The following PARN variants were observed in gnomAD, a reference collection of about 807,000 sequenced individuals.
The protein encoded by PARN is poly(A)-specific ribonuclease PARN.
Under a neutral mutation model 102.8 loss-of-function variants are expected in PARN, and 71 were observed. That is an observed-to-expected ratio of 0.69 (90% confidence interval 0.57 to 0.84). The LOEUF (loss-of-function observed/expected upper bound fraction) is 0.84. Among genes scored for constraint, PARN ranks in the 40% least tolerant of loss-of-function variants. The pLI is 0.00. For missense variants in PARN, 782 were observed against 760.9 expected (o/e 1.03, Z -0.33); for synonymous variants, 261 against 252.9 (o/e 1.03, Z -0.30).
rs540259233 is a variant in PARN at position 14,555,737 on chromosome 16, T to C, written c.1263-28A>G. On this transcript the variant is annotated intron_variant, in intron 18 of 23. Coordinates refer to ENST00000437198, the MANE Select transcript of PARN (RefSeq NM_002582.4). ...ACAAGAAGAAAAGACAAACAAGTAA[T>C]GGGCAATTTCCTTTAAAAGACAGGC... The C allele has an allele frequency of 4.8e-6, 6 of 1,255,876 alleles. No individual in the cohort carries two copies. The South Asian group carries it at 6.1e-5, about 13-fold the overall frequency. 77.8% of individuals were successfully genotyped at this position (1,255,876 alleles called of 1,614,324 possible). A position where few individuals can be genotyped will look rare whatever the true frequency, so the allele number is the denominator to read the frequency against.
chr16:14,540,820 G>A (rs1966814543), intron 21 of PARN, among the ~76,000 whole-genome samples: 1 of 151,860 alleles, frequency 6.6e-6, no homozygotes, highest in Admixed American at 6.6e-5. Context: ...GCATGGTGGT[G>A]TACATCTGTA....
At position 14,612,795 on chromosome 16, in the gene PARN, A is replaced by C. The variant is rs548206465; in HGVS notation, c.389-1986T>G. ...GTATTTTAGTAGAGACAAGGTTTCA[A>C]CATGTTGGCCAGGCTGATCTTGAAC... On this transcript the variant is annotated intron_variant, in intron 6 of 23. Transcript: ENST00000437198. Among the ~76,000 whole-genome samples the C allele has an allele frequency of 2.6e-5, 4 of 151,730 alleles. No homozygotes were observed. The South Asian group carries it at 6.3e-4, about 24-fold the overall frequency.
At chr16:14,557,828 A>G (rs964442687) in intron 18 of PARN, among the ~76,000 whole-genome samples, 2 of 152,222 alleles carry the variant, frequency 1.3e-5, no homozygotes, top group Non-Finnish European at 2.9e-5. Context: ...CTGCAATGCC[A>G]GAAGACAAGA....
chr16:14,539,984 A>ACT (rs1966780302), intron 21 of PARN, among the ~76,000 whole-genome samples: 1 of 152,238 alleles, frequency 6.6e-6, no homozygotes, highest in Non-Finnish European at 1.5e-5. Context: ...GTTTTTAAGT[A>ACT]TACAGGAGGA....
At chr16:14,615,455 G>A (rs1033529191) in intron 6 of PARN, among the ~76,000 whole-genome samples, 6 of 152,164 alleles carry the variant, frequency 3.9e-5, no homozygotes, top group East Asian at 1.9e-4. Context: ...AGTATGAGAC[G>A]AATAAAAAAA....
Position 14,541,111 on chromosome 16 carries a change from C to T in PARN, c.1480+10910G>A, listed in dbSNP as rs201872123. Among the ~76,000 whole-genome samples the T allele has an allele frequency of 0.019, 2,762 of 146,960 alleles. 235 individuals are homozygous for T. The East Asian group carries it at 0.3, about 16-fold the overall frequency. On this transcript the variant is annotated intron_variant, in intron 21 of 23. Coordinates refer to ENST00000437198, the MANE Select transcript of PARN (RefSeq NM_002582.4). ...TTTGAGACCAGCCTGGACATCATGGCGAAACATCTTTTTTTTTTTTTTTTT... is the reference window on the plus strand; with the variant it reads ...TTTGAGACCAGCCTGGACATCATGGTGAAACATCTTTTTTTTTTTTTTTTT...
chr16:14,606,411 A>G, intron 10 of PARN, 73 bp downstream of exon 10: 4 of 836,946 alleles, frequency 4.8e-6, no homozygotes, highest in South Asian at 1.9e-5. Flanking sequence ...AAAAAAAAGA[A>G]AAAAAAAAGA....
rs1971479669 is a variant in PARN at position 14,610,795 on chromosome 16, T to C, written c.403A>G (p.Asn135Asp). Reference protein sequence around the residue: ...KVFRNGIPYLNQEEERQLREQ... With the variant: ...KVFRNGIPYLDQEEERQLREQ... ...CTTAACTGTCTTTCTTCTTCCTGAT[T>C]TAAATATGGAATTCCTAAACACGAT... Residue 135 changes from asparagine to aspartate, a missense_variant, in exon 7 of 24, where the codon AAT becomes GAT. Physicochemically the swap from Asn to Asp is conservative, Grantham distance 23. Coordinates refer to ENST00000437198, the MANE Select transcript of PARN (RefSeq NM_002582.4). 3 of 1,608,202 alleles carry C rather than the reference T, an allele frequency of 1.9e-6. No individual in the cohort carries two copies. Among genetic ancestry groups the C allele is most frequent in the Non-Finnish European group, 2.6e-6 (3 of 1,175,286 alleles).
chr16:14,521,727 G>T (rs570407281), intron 21 of PARN, among the ~76,000 whole-genome samples: 1 of 151,772 alleles, frequency 6.6e-6, no homozygotes, highest in South Asian at 2.1e-4. Flanking sequence ...GCTTGAACCC[G>T]AGAAGTGGTG....
At chr16:14,484,147 C>A (rs1431653734) in intron 21 of PARN, among the ~76,000 whole-genome samples, 1 of 152,200 alleles carries the variant, frequency 6.6e-6, no homozygotes, top group Non-Finnish European at 1.5e-5. Flanking sequence ...GCTAATTCTC[C>A]GTAATGCGCC....
intron 21 of PARN, among the ~76,000 whole-genome samples, chr16:14,500,516 C>T (rs1312878608): frequency 6.6e-6 from 1 of 152,168 alleles, no homozygotes; most frequent in Non-Finnish European, 1.5e-5. Context: ...AAGCAACCCT[C>T]CCGAGCAGCC....
intron 12 of PARN, among the ~76,000 whole-genome samples, chr16:14,595,015 C>T (rs764857139): frequency 6.6e-6 from 1 of 152,334 alleles, no homozygotes; most frequent in Non-Finnish European, 1.5e-5. Context: ...ACCATAACCA[C>T]ACTGAAGGTT....
At chr16:14,612,981 A>G (rs1971611057) in intron 6 of PARN, among the ~76,000 whole-genome samples, 1 of 151,378 alleles carries the variant, frequency 6.6e-6, no homozygotes. Context: ...GTGTTGAGAT[A>G]TACATTTAGT....
chr16:14,621,089 G>A (rs925521443), intron 5 of PARN, among the ~76,000 whole-genome samples: 26 of 152,056 alleles, frequency 1.7e-4, no homozygotes, highest in Non-Finnish European at 3.7e-4. Flanking sequence ...ATCGTGTCCA[G>A]GCTTTTATAC....
rs987644950 is a variant in PARN at position 14,435,986 on chromosome 16, CCAAA to C, written c.*727_*730del. ...CGCTGCCGTACCCCGAGACCGCCAT[CCAAA>C]CAAACGAACAGAGACTCTGGAAAGT... On this transcript the variant is annotated 3_prime_UTR_variant, in exon 24 of 24. Transcript: ENST00000437198. The C allele has an allele frequency of 3.0e-4, 45 of 151,182 alleles. No homozygotes were observed. The highest frequency in any genetic ancestry group is 5.7e-4 in the Non-Finnish European group (39 of 68,086). The allele number at this position is 151,182 out of a possible 1,614,324, so 9.4% of individuals were successfully genotyped here. A position where few individuals can be genotyped will look rare whatever the true frequency, so the allele number is the denominator to read the frequency against.
At chr16:14,617,340 C>T (rs978329754) in intron 6 of PARN, among the ~76,000 whole-genome samples, 3 of 142,086 alleles carry the variant, frequency 2.1e-5, no homozygotes, top group African/African-American at 7.8e-5. Flanking sequence ...GCCGAGATCA[C>T]ACCACTGCAC....
chr16:14,584,703 A>T (rs758555365), intron 15 of PARN, 46 bp downstream of exon 15: 1 of 1,339,368 alleles, frequency 7.5e-7, no homozygotes, highest in Non-Finnish European at 1.0e-6. Context: ...CATTCATTTC[A>T]CTCAGTAATA....
chr16:14,604,183 C>T lies in PARN; in HGVS notation c.746G>A (p.Arg249His), dbSNP rs775658912. Residue 249 changes from arginine to histidine, a missense_variant, in exon 11 of 24, where the codon CGC becomes CAC. Arg to His is a conservative substitution (Grantham distance 29, BLOSUM62 0). Transcript: ENST00000437198. ...IVISKVDEEE[R>H]KRREQQKHAK... is the part of the protein sequence containing the mutation. ...ATGTTTCTGCTGCTCTCTTCTTTTGCGTTCTTCTTCATCTACTTTGCTGAT... is the reference window on the plus strand; with the variant it reads ...ATGTTTCTGCTGCTCTCTTCTTTTGTGTTCTTCTTCATCTACTTTGCTGAT... 7.5e-6 allele frequency: 12 copies of T among 1,601,288 alleles called. No individual in the cohort carries two copies. The Admixed American group carries it at 1.2e-4, about 16-fold the overall frequency.
chr16:14,489,600 C>T (rs1596500896), intron 21 of PARN, among the ~76,000 whole-genome samples: 1 of 152,156 alleles, frequency 6.6e-6, no homozygotes, highest in East Asian at 1.9e-4. Context: ...GGAAGTGGAG[C>T]CCCTGAGTGG....
Sources: allele counts gnomAD v4.1 joint callset (sites outside exome capture counted in the v4.1 genomes callset), GRCh38; gene constraint gnomAD v4.1.1; transcripts MANE v1.5; gene names NCBI Gene and HGNC (gene_info 2026-07-23, HGNC 2026-07-21).